EYS: variants seen among roughly 807,000 people sequenced by gnomAD.
EYS encodes the protein protein eyes shut homolog.
Under a neutral mutation model 282.1 loss-of-function variants are expected in EYS, and 250 were observed. The ratio of observed to expected loss-of-function variants is 0.89; its 90% CI spans 0.80 to 0.98. EYS has a LOEUF of 0.98. Ranked by LOEUF, EYS falls within the 50% of genes least tolerant of loss-of-function variation. The pLI is 0.00. For missense variants in EYS, 4,016 were observed against 3,709.0 expected, an observed-to-expected ratio of 1.08 and a Z score of -2.15; for synonymous variants, 1,355 against 1,282.9, an observed-to-expected ratio of 1.06 and a Z score of -1.20.
At chr6:65,297,934 T>C (rs1391482980) in intron 11 of EYS, among the ~76,000 whole-genome samples, 3 of 152,164 alleles carry the variant, frequency 2.0e-5, no homozygotes, top group African/African-American at 7.2e-5. Context: ...GTGTTCTGAT[T>C]GGGGTGGTAG....
chr6:64,632,249 A>T (rs533018255), intron 22 of EYS, among the ~76,000 whole-genome samples: 12 of 152,024 alleles, frequency 7.9e-5, no homozygotes, highest in African/African-American at 2.9e-4. Flanking sequence ...TCCGTGATTT[A>T]TCTTCTTTTT....
intron 29 of EYS, among the ~76,000 whole-genome samples, chr6:64,321,758 T>A (rs1770226305): frequency 6.6e-6 from 1 of 151,890 alleles, no homozygotes; most frequent in South Asian, 2.1e-4. Flanking sequence ...GTTTAGTTGT[T>A]ATATAGACTA....
chr6:64,454,538 AT>A (rs907876532), intron 26 of EYS, among the ~76,000 whole-genome samples: 65 of 151,148 alleles, frequency 4.3e-4, no homozygotes, highest in Middle Eastern at 3.4e-3. Flanking sequence ...CTTAAATGCT[AT>A]TTTTTTTTCA....
chr6:64,656,934 A>G (rs1768772086), intron 22 of EYS, among the ~76,000 whole-genome samples: 1 of 152,188 alleles, frequency 6.6e-6, no homozygotes, highest in South Asian at 2.1e-4. Flanking sequence ...GAGTGAGCTA[A>G]GGTATTTGCA....
At chr6:64,930,303 C>T (rs536375581) in intron 15 of EYS, among the ~76,000 whole-genome samples, 3 of 151,938 alleles carry the variant, frequency 2.0e-5, no homozygotes, top group Non-Finnish European at 2.9e-5. Flanking sequence ...GATCTACCTA[C>T]CCACACATAT....
At chr6:65,115,966 A>AATCT (rs3036006) in intron 12 of EYS, among the ~76,000 whole-genome samples, 30,804 of 144,496 alleles carry the variant, frequency 0.21, 3,261 homozygotes, top group East Asian at 0.28. Flanking sequence ...CTGTCTATCT[A>AATCT]ATCTATCTAT....
intron 35 of EYS, among the ~76,000 whole-genome samples, chr6:63,947,402 A>G (rs1765430660): frequency 6.6e-6 from 1 of 152,092 alleles, no homozygotes; most frequent in Admixed American, 6.5e-5. Flanking sequence ...TTTATTAAAA[A>G]TAGAAAATTA....
At chr6:64,831,550 G>A (rs562417629) in intron 19 of EYS, among the ~76,000 whole-genome samples, 1 of 151,996 alleles carries the variant, frequency 6.6e-6, no homozygotes, top group African/African-American at 2.4e-5. Flanking sequence ...AAAAGGACAA[G>A]TATCAATAAA....
intron 28 of EYS, among the ~76,000 whole-genome samples, chr6:64,410,804 G>A (rs1160586825): frequency 6.6e-6 from 1 of 152,104 alleles, no homozygotes; most frequent in East Asian, 1.9e-4. Context: ...TTTACTGTGT[G>A]TCTATGTACT....
At chr6:65,142,165 G>A (rs1043591110) in intron 12 of EYS, among the ~76,000 whole-genome samples, 9 of 151,848 alleles carry the variant, frequency 5.9e-5, no homozygotes, top group Non-Finnish European at 1.2e-4. Flanking sequence ...TAGTATATAC[G>A]TATTTTATAA....
At chr6:63,927,566 GT>G (rs1360029181) in intron 35 of EYS, among the ~76,000 whole-genome samples, 1 of 152,192 alleles carries the variant, frequency 6.6e-6, no homozygotes, top group Non-Finnish European at 1.5e-5. Context: ...GTTAAGGTGA[GT>G]TTTTTGAGAT....
At chr6:65,225,273 T>C (rs1766590554) in intron 12 of EYS, among the ~76,000 whole-genome samples, 1 of 149,698 alleles carries the variant, frequency 6.7e-6, no homozygotes, top group Non-Finnish European at 1.5e-5. Flanking sequence ...TTATAATGTA[T>C]TGAAAATATT....
At chr6:64,707,860 C>T (rs981059411) in intron 22 of EYS, among the ~76,000 whole-genome samples, 3 of 151,232 alleles carry the variant, frequency 2.0e-5, no homozygotes, top group African/African-American at 7.4e-5. Context: ...GTTAAAGCAG[C>T]TTAGCTTTCC....
intron 31 of EYS, among the ~76,000 whole-genome samples, chr6:64,172,029 T>G (rs1333217716): frequency 2.6e-5 from 4 of 152,150 alleles, no homozygotes; most frequent in South Asian, 2.1e-4. Flanking sequence ...GGGAAGGATA[T>G]ATACTTGAAT....
chr6:64,237,211 A>G (rs1391236786), intron 30 of EYS, among the ~76,000 whole-genome samples: 1 of 152,206 alleles, frequency 6.6e-6, no homozygotes, highest in African/African-American at 2.4e-5. Flanking sequence ...TATGCAGAAT[A>G]ATTCCCACCT....
intron 7 of EYS, among the ~76,000 whole-genome samples, chr6:65,395,096 T>C (rs1766229837): frequency 6.6e-6 from 1 of 152,218 alleles, no homozygotes; most frequent in Non-Finnish European, 1.5e-5. Context: ...AGAGTTTCGC[T>C]CTTGTGGCCC....
intron 37 of EYS, among the ~76,000 whole-genome samples, chr6:63,793,450 G>A (rs1407758646): frequency 6.6e-6 from 1 of 152,182 alleles, no homozygotes; most frequent in African/African-American, 2.4e-5. Flanking sequence ...GATCAATTGA[G>A]TAATTTTGGT....
intron 22 of EYS, among the ~76,000 whole-genome samples, chr6:64,794,072 A>C (rs1224091090): frequency 1.3e-5 from 2 of 152,150 alleles, no homozygotes; most frequent in African/African-American, 4.8e-5. Flanking sequence ...TTGGATACCT[A>C]ATATAAGTGA....
chr6:64,586,618 A>C (rs1339707604), intron 26 of EYS, among the ~76,000 whole-genome samples: 2 of 152,104 alleles, frequency 1.3e-5, no homozygotes, highest in African/African-American at 4.8e-5. Flanking sequence ...ACATTTAATA[A>C]AATATCAATT....
Sources: gnomAD v4.1 joint callset for allele counts (sites outside exome capture counted in the v4.1 genomes callset) on GRCh38, gnomAD v4.1.1 for gene constraint, MANE v1.5 for transcripts, NCBI Gene and HGNC (gene_info 2026-07-23, HGNC 2026-07-21) for gene names.